Variants in DNM3 observed in about 807,000 individuals in gnomAD.
DNM3 encodes the protein dynamin 3, also known as dynamin-3.
In DNM3, 47 loss-of-function variants were observed where a neutral mutation model predicts 101.6. The ratio of observed to expected loss-of-function variants is 0.46; its 90% CI spans 0.37 to 0.59. DNM3 has a LOEUF of 0.59. Ranked by LOEUF, DNM3 falls within the 20% of genes least tolerant of loss-of-function variation. The pLI, the probability that DNM3 is intolerant of heterozygous loss-of-function variation, is 0.00. For synonymous variants in DNM3, 385 were observed against 387.9 expected, an observed-to-expected ratio of 0.99 and a Z score of 0.09; for missense variants, 849 against 1,085.7, an observed-to-expected ratio of 0.78 and a Z score of 3.06.
intron 4 of DNM3, among the ~76,000 whole-genome samples, chr1:171,993,729 G>A (rs1417227378): frequency 6.6e-6 from 1 of 151,506 alleles, no homozygotes; most frequent in Non-Finnish European, 1.5e-5. Context: ...TATGTATGTT[G>A]GTAAGATGTT....
chr1:172,309,656 A>G (rs2064997225), intron 16 of DNM3: 1 of 152,190 alleles, frequency 6.6e-6, no homozygotes, highest in African/African-American at 2.4e-5. Context: ...TGAGGTGCCT[A>G]CTTGGCTCTC....
chr1:172,073,744 T>C (rs1034641112), intron 11 of DNM3, among the ~76,000 whole-genome samples: 2 of 152,220 alleles, frequency 1.3e-5, no homozygotes, highest in African/African-American at 4.8e-5. Flanking sequence ...TCTGGAGATA[T>C]TCAGGCAGAG....
At chr1:172,144,652 A>C (rs368647987) in intron 14 of DNM3, 1 of 530,992 alleles carries the variant, frequency 1.9e-6, no homozygotes, top group Non-Finnish European at 3.9e-6. Context: ...CCTTCTATGT[A>C]CTTAAAATCC....
At chr1:172,201,755 G>A (rs1274694325) in intron 14 of DNM3, among the ~76,000 whole-genome samples, 2 of 152,212 alleles carry the variant, frequency 1.3e-5, no homozygotes, top group Non-Finnish European at 2.9e-5. Flanking sequence ...CTGGTCCAAG[G>A]AATTTCCGAA....
At chr1:172,057,509 T>C (rs2050744438) in intron 10 of DNM3, among the ~76,000 whole-genome samples, 1 of 152,232 alleles carries the variant, frequency 6.6e-6, no homozygotes, top group African/African-American at 2.4e-5. Flanking sequence ...GCAGAAACTC[T>C]ACAAGCCAGA....
chr1:171,943,175 G>C (rs1489132980), intron 2 of DNM3, among the ~76,000 whole-genome samples: 1 of 152,136 alleles, frequency 6.6e-6, no homozygotes, highest in Non-Finnish European at 1.5e-5. Context: ...CCCTAAGGTG[G>C]ACACATGCCT....
intron 13 of DNM3, among the ~76,000 whole-genome samples, chr1:172,115,670 C>T (rs189735888): frequency 3.9e-5 from 6 of 152,288 alleles, no homozygotes; most frequent in East Asian, 1.9e-4. Flanking sequence ...TCCCTCTTCC[C>T]GGAATTCATT....
intron 4 of DNM3, among the ~76,000 whole-genome samples, chr1:172,013,488 T>C (rs544256779): frequency 3.9e-4 from 59 of 152,090 alleles, no homozygotes; most frequent in Non-Finnish European, 8.4e-4. Context: ...AGAATATATA[T>C]GTAGTTCCTG....
intron 17 of DNM3, among the ~76,000 whole-genome samples, chr1:172,361,607 G>GC (rs756188537): frequency 6.6e-6 from 1 of 151,890 alleles, no homozygotes; most frequent in Non-Finnish European, 1.5e-5. Context: ...TGAGGGTGGA[G>GC]CCCAGGTATC....
At chr1:172,322,172 T>C (rs1314524283) in intron 16 of DNM3, among the ~76,000 whole-genome samples, 1 of 152,150 alleles carries the variant, frequency 6.6e-6, no homozygotes, top group East Asian at 1.9e-4. Context: ...ACCTTTCCGC[T>C]CTCCAGAAAA....
At chr1:171,996,011 A>T (rs2045972794) in intron 4 of DNM3, among the ~76,000 whole-genome samples, 1 of 152,162 alleles carries the variant, frequency 6.6e-6, no homozygotes, top group Non-Finnish European at 1.5e-5. Context: ...TGATAAGTTA[A>T]TTATAAATTA....
chr1:172,110,982 G>C (rs1572554029), intron 13 of DNM3, among the ~76,000 whole-genome samples: 1 of 152,352 alleles, frequency 6.6e-6, no homozygotes, highest in East Asian at 1.9e-4. Flanking sequence ...GTTGCAGTAA[G>C]CTGAAATTGT....
intron 14 of DNM3, among the ~76,000 whole-genome samples, chr1:172,164,232 C>CTTTTTTTTTTT (rs3980440): frequency 1.6e-5 from 2 of 126,638 alleles, no homozygotes; most frequent in East Asian, 2.2e-4. Flanking sequence ...CTTTTCTTTT[C>CTTTTTTTTTTT]TTTTTTTTTT....
intron 13 of DNM3, among the ~76,000 whole-genome samples, chr1:172,130,684 G>A (rs2056888471): frequency 6.6e-6 from 1 of 151,914 alleles, no homozygotes; most frequent in Admixed American, 6.6e-5. Context: ...GACTAACAAG[G>A]GGCTAACTGA....
intron 1 of DNM3, among the ~76,000 whole-genome samples, chr1:171,919,179 A>C (rs1319672358): frequency 6.6e-6 from 1 of 151,324 alleles, no homozygotes; most frequent in Non-Finnish European, 1.5e-5. Context: ...ATTATACTTT[A>C]AAGTTCTGGG....
intron 15 of DNM3, among the ~76,000 whole-genome samples, chr1:172,298,086 A>G (rs1459090538): frequency 1.3e-5 from 2 of 152,050 alleles, no homozygotes; most frequent in African/African-American, 4.8e-5. Context: ...TTATCTACTT[A>G]ATTTTTTTAA....
At chr1:172,222,537 C>A (rs1439066399) in intron 14 of DNM3, among the ~76,000 whole-genome samples, 1 of 152,080 alleles carries the variant, frequency 6.6e-6, no homozygotes, top group Non-Finnish European at 1.5e-5. Flanking sequence ...GAAAGGTTAG[C>A]AAGAGGACAG....
At chr1:172,231,399 A>C (rs1327081198) in intron 14 of DNM3, among the ~76,000 whole-genome samples, 1 of 152,166 alleles carries the variant, frequency 6.6e-6, no homozygotes, top group Non-Finnish European at 1.5e-5. Flanking sequence ...TCTTAGAAGG[A>C]AAACTAACAA....
At chr1:171,964,602 G>A (rs1244498397) in intron 2 of DNM3, among the ~76,000 whole-genome samples, 1 of 152,072 alleles carries the variant, frequency 6.6e-6, no homozygotes, top group East Asian at 1.9e-4. Context: ...TGTGTCATGG[G>A]CAATGGTCAC....
Sources: allele counts gnomAD v4.1 joint callset (sites outside exome capture counted in the v4.1 genomes callset), GRCh38; gene constraint gnomAD v4.1.1; transcripts MANE v1.5; gene names NCBI Gene and HGNC (gene_info 2026-07-23, HGNC 2026-07-21).